The following ESR2 variants were observed in gnomAD, a reference collection of about 807,000 sequenced individuals.
ESR2 encodes estrogen receptor 2, also known as estrogen receptor beta.
A neutral mutation model predicts 49.6 loss-of-function variants in ESR2; 36 were observed. The ratio of observed to expected loss-of-function variants is 0.73; its 90% confidence interval spans 0.56 to 0.96. The LOEUF (loss-of-function observed/expected upper bound fraction) is 0.96. Ranked by LOEUF, ESR2 falls within the 40% of genes least tolerant of loss-of-function variation. The pLI, the probability that ESR2 is intolerant of heterozygous loss-of-function variation, is 0.00. For synonymous variants in ESR2, 320 were observed against 266.1 expected (o/e 1.20, Z -1.97); for missense variants, 714 against 693.0 (o/e 1.03, Z -0.34).
At position 64,260,457 on chromosome 14, in the gene ESR2, T is replaced by G; in HGVS notation, c.944A>C (p.Lys315Thr). The G allele has an allele frequency of 6.6e-7, 1 of 1,523,022 alleles. No homozygotes were observed. The highest frequency in any genetic ancestry group is 2.2e-5 in the Admixed American group (1 of 45,494). 94.3% of individuals were successfully genotyped at this position (1,523,022 alleles called of 1,614,324 possible). Residue 315 changes from lysine (K) to threonine (T), a missense_variant, in exon 5 of 9, where the codon AAG becomes ACG. By Grantham distance (78) the Lys-to-Thr change is moderately conservative (BLOSUM62 -1). Coordinates refer to ENST00000341099, the MANE Select transcript of ESR2 (RefSeq NM_001437.3). Reference sequence around the variant, plus strand: ...TAGCCAGAAAGCCCTACCGGGAATCTTCTTGGCCCAGCTGATCATGTGTAC... The same window carrying G: ...TAGCCAGAAAGCCCTACCGGGAATCGTCTTGGCCCAGCTGATCATGTGTAC... ...ELVHMISWAKKIPGFVELSLF... is the reference protein window; with the variant it reads ...ELVHMISWAKTIPGFVELSLF...
intron 8 of ESR2, chr14:64,233,611 T>A: frequency 2.7e-6 from 1 of 367,440 alleles, no homozygotes; most frequent in South Asian, 5.5e-5. Flanking sequence ...GTAAAGTCAC[T>A]GTGAACACTG....
chr14:64,324,198 T>C (rs2077362461), intron 1 of ESR2, among the ~76,000 whole-genome samples: 1 of 152,184 alleles, frequency 6.6e-6, no homozygotes, highest in Non-Finnish European at 1.5e-5. Context: ...TGATAGAATA[T>C]GGCAGAAGTG....
chr14:64,238,366 G>A (rs1225319817), intron 7 of ESR2, among the ~76,000 whole-genome samples: 1 of 151,984 alleles, frequency 6.6e-6, no homozygotes, highest in Admixed American at 6.6e-5. Context: ...TAGGGGGGCA[G>A]TGTATATACA....
Position 64,238,768 on chromosome 14 carries a change from C to A in ESR2, c.1226-3618G>T, listed in dbSNP as rs1208525691. Among the ~76,000 whole-genome samples the A allele has an allele frequency of 1.8e-4, 26 of 145,800 alleles. No individual in the cohort carries two copies. The East Asian group carries it at 2.2e-3, about 12-fold the overall frequency. ...AGAAGTATAGTTTAAAAAAAAAAAA[C>A]AAAAAAAACCAAGATCTTGGCACCA... On this transcript the variant is annotated intron_variant, in intron 7 of 8. Transcript: ENST00000341099.
At chr14:64,313,889 A>AAAAGAAAG (rs1197600388) in intron 1 of ESR2, among the ~76,000 whole-genome samples, 3 of 151,738 alleles carry the variant, frequency 2.0e-5, no homozygotes, top group African/African-American at 7.3e-5. Context: ...AAAAAAAAAA[A>AAAAGAAAG]AAAGAAAGAA....
intron 7 of ESR2, among the ~76,000 whole-genome samples, chr14:64,238,196 CCA>C (rs1269766430): frequency 2.0e-5 from 3 of 152,200 alleles, no homozygotes; most frequent in Admixed American, 6.5e-5. Flanking sequence ...ACTTCACGAA[CCA>C]CAGTCATTGC....
At chr14:64,249,128 C>T (rs2075930957) in intron 7 of ESR2, among the ~76,000 whole-genome samples, 1 of 152,022 alleles carries the variant, frequency 6.6e-6, no homozygotes, top group South Asian at 2.1e-4. Flanking sequence ...TCTCTCCCTG[C>T]CTAAACTATG....
At chr14:64,310,308 A>ATTATTATT (rs1555595520) in intron 1 of ESR2, among the ~76,000 whole-genome samples, 3 of 146,034 alleles carry the variant, frequency 2.1e-5, no homozygotes, top group African/African-American at 7.6e-5. Flanking sequence ...TAATAATAAT[A>ATTATTATT]ATAATAATAA....
At chr14:64,331,979 G>C (rs1038503927) in intron 1 of ESR2, among the ~76,000 whole-genome samples, 34 of 152,048 alleles carry the variant, frequency 2.2e-4, no homozygotes, top group African/African-American at 8.2e-4. Flanking sequence ...AAAACTGATG[G>C]TCCCTAGAGC....
In ESR2 at chr14:64,235,121, C is replaced by T; in HGVS notation, c.1255G>A (p.Asp419Asn). ...SMYPLVTATQ[D>N]ADSSRKLAHL... ...GCCAGCTTCCGGCTGCTGTCAGCAT[C>T]CTGGGTCGCTGTGACCAGAGGGTAC... Residue 419 changes from aspartate to asparagine, a missense_variant, in exon 8 of 9, where the codon GAT becomes AAT. By Grantham distance (23) the Asp-to-Asn change is conservative. Transcript: ENST00000341099. 6.2e-7 allele frequency: 1 copy of T among 1,614,026 alleles called. No homozygotes were observed. Among genetic ancestry groups the T allele is most frequent in the Non-Finnish European group, 8.5e-7 (1 of 1,180,032 alleles).
At chr14:64,266,401 T>C (rs2076328196) in intron 4 of ESR2, among the ~76,000 whole-genome samples, 1 of 152,184 alleles carries the variant, frequency 6.6e-6, no homozygotes, top group Admixed American at 6.5e-5. Context: ...CAGGAAGTGA[T>C]GAAACGAAAA....
At chr14:64,247,619 C>T (rs902613929) in intron 7 of ESR2, among the ~76,000 whole-genome samples, 1 of 152,138 alleles carries the variant, frequency 6.6e-6, no homozygotes, top group African/African-American at 2.4e-5. Flanking sequence ...TTCAGGTGAA[C>T]ATTAAAACCT....
intron 4 of ESR2, among the ~76,000 whole-genome samples, chr14:64,261,707 C>T (rs938394313): frequency 1.4e-4 from 22 of 152,338 alleles, no homozygotes; most frequent in African/African-American, 4.8e-4. Flanking sequence ...GCGTGAGCCA[C>T]TGCACCCAGC....
chr14:64,280,167 A>G lies in ESR2; in HGVS notation c.363-14T>C. On this transcript the variant is annotated splice_polypyrimidine_tract_variant and intron_variant, in intron 2 of 8. Transcript: ENST00000341099. ...TTCAGTGTCTCTCTAGGGAGCAAAG[A>G]AAATATCCATTGAACAGAGCATAAA... 3 of 1,610,260 alleles carry G rather than the reference A, an allele frequency of 1.9e-6. No homozygotes were observed. Among genetic ancestry groups the G allele is most frequent in the Non-Finnish European group, 2.5e-6 (3 of 1,176,672 alleles).
At chr14:64,300,334 C>T (rs1447581132) in intron 1 of ESR2, among the ~76,000 whole-genome samples, 3 of 152,352 alleles carry the variant, frequency 2.0e-5, no homozygotes, top group East Asian at 1.9e-4. Context: ...TGCACTGCTA[C>T]TATCTCACAG....
chr14:64,292,207 G>A (rs2076883153), intron 1 of ESR2, among the ~76,000 whole-genome samples: 1 of 150,544 alleles, frequency 6.6e-6, no homozygotes, highest in Admixed American at 6.6e-5. Context: ...CTATAAAAAG[G>A]GAAAAACAGG....
chr14:64,245,328 A>G (rs1042982823), intron 7 of ESR2, among the ~76,000 whole-genome samples: 1 of 151,984 alleles, frequency 6.6e-6, no homozygotes, highest in African/African-American at 2.4e-5. Flanking sequence ...CCTGGCCAAC[A>G]TGGTGAAACC....
chr14:64,245,298 G>A (rs775661510), intron 7 of ESR2, among the ~76,000 whole-genome samples: 1 of 152,002 alleles, frequency 6.6e-6, no homozygotes, highest in Admixed American at 6.6e-5. Context: ...CGGATCACGA[G>A]GTCAGGAGTT....
chr14:64,310,051 A>G (rs2077166479), intron 1 of ESR2, among the ~76,000 whole-genome samples: 1 of 152,018 alleles, frequency 6.6e-6, no homozygotes, highest in African/African-American at 2.4e-5. Context: ...ACGCCACTGT[A>G]CTGCAGCCTG....
Sources: gnomAD v4.1 joint callset for allele counts (sites outside exome capture counted in the v4.1 genomes callset) on GRCh38, gnomAD v4.1.1 for gene constraint, MANE v1.5 for transcripts, NCBI Gene and HGNC (gene_info 2026-07-23, HGNC 2026-07-21) for gene names.